Variants in GRM7 observed in about 807,000 individuals in gnomAD.
The protein encoded by GRM7 is glutamate metabotropic receptor 7, also known as metabotropic glutamate receptor 7.
Under a neutral mutation model 84.5 loss-of-function variants are expected in GRM7, and 35 were observed. The ratio of observed to expected loss-of-function variants is 0.41; its 90% CI spans 0.32 to 0.55. GRM7 has a LOEUF of 0.55. Among genes scored for constraint, GRM7 ranks in the 20% least tolerant of loss-of-function variants. GRM7 has a pLI of 0.19. For synonymous variants in GRM7, 487 were observed against 455.1 expected (o/e 1.07, Z -0.89); for missense variants, 1,003 against 1,194.6 (o/e 0.84, Z 2.36).
At chr3:7,133,652 G>A (rs2125055686) in intron 1 of GRM7, among the ~76,000 whole-genome samples, 1 of 152,278 alleles carries the variant, frequency 6.6e-6, no homozygotes, top group East Asian at 1.9e-4. Context: ...GGCTCTTGAG[G>A]CCTGGAAGAA....
chr3:7,708,157 C>T (rs559346839), intron 9 of GRM7, among the ~76,000 whole-genome samples: 4 of 151,324 alleles, frequency 2.6e-5, no homozygotes, highest in Non-Finnish European at 5.9e-5. Context: ...TACTTTCAAA[C>T]CTTCAGTCCC....
intron 1 of GRM7, among the ~76,000 whole-genome samples, chr3:6,925,857 T>C (rs547884626): frequency 6.6e-6 from 1 of 152,324 alleles, no homozygotes; most frequent in African/African-American, 2.4e-5. Flanking sequence ...TTGTAGCCCA[T>C]CATCACATCC....
At chr3:7,561,569 G>C (rs1159170780) in intron 7 of GRM7, 1 of 456,484 alleles carries the variant, frequency 2.2e-6, no homozygotes, top group Admixed American at 2.3e-5. Context: ...AGTACCCTTA[G>C]TAGTGTAAGC....
At chr3:7,130,585 A>T (rs948747865) in intron 1 of GRM7, among the ~76,000 whole-genome samples, 7 of 151,032 alleles carry the variant, frequency 4.6e-5, no homozygotes, top group African/African-American at 1.5e-4. Flanking sequence ...TTAATGGCCC[A>T]TGGAGAGGAT....
chr3:7,591,917 T>G (rs1695799157), intron 8 of GRM7, among the ~76,000 whole-genome samples: 1 of 152,126 alleles, frequency 6.6e-6, no homozygotes. Flanking sequence ...CACATAATGC[T>G]CTGGGATACG....
In GRM7 at chr3:7,624,295, T is replaced by A. The variant is rs554951703; in HGVS notation, c.2451+44938T>A. On this transcript the variant is annotated intron_variant, in intron 8 of 9. Coordinates refer to ENST00000357716, the MANE Select transcript of GRM7 (RefSeq NM_000844.4). ...AGTTGGGAAGGCCTCTCCAAAAAGA[T>A]GCTATCTTAGCATGAGGGATGCCAT... Among the ~76,000 whole-genome samples, 7 of 152,200 alleles carry A rather than the reference T, an allele frequency of 4.6e-5. No homozygotes were observed. The South Asian group carries it at 1.4e-3, about 32-fold the overall frequency.
chr3:7,119,360 T>A (rs1693144416), intron 1 of GRM7, among the ~76,000 whole-genome samples: 1 of 152,088 alleles, frequency 6.6e-6, no homozygotes, highest in African/African-American at 2.4e-5. Context: ...TACTGGAAAT[T>A]GTATACGTGC....
chr3:7,389,861 T>C (rs930209848), intron 4 of GRM7, among the ~76,000 whole-genome samples: 2 of 152,104 alleles, frequency 1.3e-5, no homozygotes, highest in African/African-American at 4.8e-5. Flanking sequence ...TTAATATTGA[T>C]ATGTGAGGCT....
chr3:6,975,989 A>G (rs1007309575), intron 1 of GRM7, among the ~76,000 whole-genome samples: 1 of 152,158 alleles, frequency 6.6e-6, no homozygotes, highest in African/African-American at 2.4e-5. Flanking sequence ...CAAGCTAGTT[A>G]CCAAGATTTT....
intron 1 of GRM7, among the ~76,000 whole-genome samples, chr3:6,965,322 A>G (rs184219713): frequency 1.3e-5 from 2 of 151,708 alleles, no homozygotes; most frequent in East Asian, 1.9e-4. Flanking sequence ...TTTATTTTTT[A>G]TTTTTATTTT....
At chr3:7,358,502 C>G (rs2125100678) in intron 4 of GRM7, among the ~76,000 whole-genome samples, 1 of 148,430 alleles carries the variant, frequency 6.7e-6, no homozygotes, top group South Asian at 2.1e-4. Flanking sequence ...ATCCCATGGC[C>G]AAATATATTT....
intron 1 of GRM7, among the ~76,000 whole-genome samples, chr3:6,871,850 C>A (rs370065681): frequency 6.6e-6 from 1 of 151,752 alleles, no homozygotes; most frequent in African/African-American, 2.4e-5. Context: ...TTCTGAAGAA[C>A]GGAACAGAGG....
chr3:7,388,251 T>G (rs990328271), intron 4 of GRM7, among the ~76,000 whole-genome samples: 5 of 152,162 alleles, frequency 3.3e-5, no homozygotes, highest in Non-Finnish European at 5.9e-5. Context: ...AGAGTTTGAC[T>G]TCCTCCTTTT....
At chr3:7,390,178 G>T (rs566798240) in intron 4 of GRM7, among the ~76,000 whole-genome samples, 1 of 151,978 alleles carries the variant, frequency 6.6e-6, no homozygotes, top group African/African-American at 2.4e-5. Context: ...CTAAAAATGC[G>T]CCCCCAATCT....
At chr3:7,731,084 G>GTT (rs201314100) in intron 9 of GRM7, among the ~76,000 whole-genome samples, 6,565 of 144,712 alleles carry the variant, frequency 0.045, 472 homozygotes, top group African/African-American at 0.15. Context: ...TTTTTCTTTT[G>GTT]TTTTTTTTTT....
At position 7,493,372 on chromosome 3, in the gene GRM7, C is replaced by T. The variant is rs150106616; in HGVS notation, c.1515+31650C>T. Among the ~76,000 whole-genome samples the T allele has an allele frequency of 6.9e-3, 1,048 of 151,910 alleles. 7 individuals are homozygous for T. The highest frequency in any genetic ancestry group is 1.0e-2 in the Non-Finnish European group (678 of 67,882). On this transcript the variant is annotated intron_variant, in intron 7 of 9. Coordinates refer to ENST00000357716, the MANE Select transcript of GRM7 (RefSeq NM_000844.4). ...GTTTTAGTGAATACACATTTAAGAT[C>T]ATAATGTTTCTTGGTTGATTGATCC...
At chr3:7,720,343 A>T (rs935581092) in intron 9 of GRM7, among the ~76,000 whole-genome samples, 1 of 152,138 alleles carries the variant, frequency 6.6e-6, no homozygotes, top group Non-Finnish European at 1.5e-5. Context: ...CCATTTCTCA[A>T]AATTTCAAGA....
chr3:7,210,075 A>C (rs1349260080), intron 2 of GRM7, among the ~76,000 whole-genome samples: 2 of 152,024 alleles, frequency 1.3e-5, no homozygotes, highest in Non-Finnish European at 2.9e-5. Flanking sequence ...TATCTAGGAG[A>C]CTCATCTTCA....
At position 7,201,270 on chromosome 3, in the gene GRM7, G is replaced by A. The variant is rs368465494; in HGVS notation, c.736+54602G>A. ...TGAGTTTCAGGGAGGAAACTGTGTCGTTTAGAAAAAACACATTTAATTTTT... is the reference window on the plus strand; with the variant it reads ...TGAGTTTCAGGGAGGAAACTGTGTCATTTAGAAAAAACACATTTAATTTTT... On this transcript the variant is annotated intron_variant, in intron 2 of 9. Transcript: ENST00000357716. Among the ~76,000 whole-genome samples the A allele has an allele frequency of 2.2e-3, 327 of 152,022 alleles. 4 individuals carry two copies. Among genetic ancestry groups the A allele is most frequent in the African/African-American group, 6.5e-3 (271 of 41,458 alleles).
Sources: gnomAD v4.1 joint callset for allele counts (sites outside exome capture counted in the v4.1 genomes callset) on GRCh38, gnomAD v4.1.1 for gene constraint, MANE v1.5 for transcripts, NCBI Gene and HGNC (gene_info 2026-07-23, HGNC 2026-07-21) for gene names.